LRPAP1: variants seen among roughly 807,000 people sequenced by gnomAD.
LRPAP1 encodes LDL receptor related protein associated protein 1, also known as alpha-2-macroglobulin receptor-associated protein.
LRPAP1 carries 41 observed loss-of-function variants against 39.9 expected under a neutral mutation model. That is an observed-to-expected ratio of 1.03 (90% confidence interval 0.80 to 1.33). LRPAP1 has a LOEUF of 1.33. Among genes scored for constraint, LRPAP1 ranks in the 40% most tolerant of loss-of-function variants. The probability of loss-of-function intolerance (pLI) is 0.00; values close to 1 mark genes in which losing one functional copy is unlikely to be tolerated. For synonymous variants in LRPAP1, 263 were observed against 212.7 expected (o/e 1.24, Z -2.06); for missense variants, 565 against 482.3 (o/e 1.17, Z -1.61).
chr4:3,527,900 AT>A, intron 1 of LRPAP1, among the ~76,000 whole-genome samples: 1 of 152,164 alleles, frequency 6.6e-6, no homozygotes, highest in Non-Finnish European at 1.5e-5. Context: ...GGGCTGTAAA[AT>A]CTGCAACCCA....
At chr4:3,517,834 G>T in intron 5 of LRPAP1, 200 bp downstream of exon 5, 1 of 549,796 alleles carries the variant, frequency 1.8e-6, no homozygotes, top group Non-Finnish European at 3.0e-6. Context: ...TACAAGGCTG[G>T]GGACGGCGAG....
chr4:3,530,454 C>T (rs1050771062), intron 1 of LRPAP1, among the ~76,000 whole-genome samples: 2 of 152,242 alleles, frequency 1.3e-5, no homozygotes, highest in African/African-American at 2.4e-5. Flanking sequence ...AAGAACTTCA[C>T]GTTCTGTTCA....
intron 2 of LRPAP1, among the ~76,000 whole-genome samples, chr4:3,520,528 G>C (rs1352325664): frequency 3.3e-5 from 5 of 152,186 alleles, no homozygotes; most frequent in African/African-American, 1.2e-4. Flanking sequence ...TGGTGGGCTG[G>C]GCTGTAAGAG....
intron 2 of LRPAP1, among the ~76,000 whole-genome samples, chr4:3,523,683 C>T (rs1363025488): frequency 2.0e-5 from 3 of 152,264 alleles, no homozygotes; most frequent in Middle Eastern, 3.4e-3. Flanking sequence ...TCAGGCCTAA[C>T]GAAGGAACTC....
Position 3,511,608 on chromosome 4 carries a change from C to G in LRPAP1, c.*1366G>C, listed in dbSNP as rs1215593563. 1 of 152,336 alleles carries G rather than the reference C, an allele frequency of 6.6e-6. No individual in the cohort carries two copies. Among genetic ancestry groups the G allele is most frequent in the African/African-American group, 2.4e-5 (1 of 41,454 alleles). The allele number at this position is 152,336 out of a possible 1,614,324, so 9.4% of individuals were successfully genotyped here. On this transcript the variant is annotated 3_prime_UTR_variant, in exon 8 of 8. Coordinates refer to ENST00000650182, the MANE Select transcript of LRPAP1 (RefSeq NM_002337.4). The stretch of plus-strand genomic sequence containing the variant: ...CCCGACATGCTGCCTCTAGCCTTGA[C>G]CTTTCTCAGAAATGATAGCTTAGCG...
At chr4:3,515,458 G>C (rs1489120014) in intron 6 of LRPAP1, among the ~76,000 whole-genome samples, 1 of 152,192 alleles carries the variant, frequency 6.6e-6, no homozygotes, top group Non-Finnish European at 1.5e-5. Context: ...CTTTCTGGGG[G>C]AGGTGCTAAG....
Position 3,511,251 on chromosome 4 carries a change from C to T in LRPAP1, c.*1723G>A, listed in dbSNP as rs916986003. On this transcript the variant is annotated 3_prime_UTR_variant, in exon 8 of 8. Coordinates refer to ENST00000650182, the MANE Select transcript of LRPAP1 (RefSeq NM_002337.4). ...GAGTTGGCCCCCACCCCCACCCCCA[C>T]ACGAGTGTTCACCACAGCTATTTCC... 7 of 150,962 alleles carry T rather than the reference C, an allele frequency of 4.6e-5. No individual in the cohort carries two copies. Among genetic ancestry groups the T allele is most frequent in the African/African-American group, 1.2e-4 (5 of 40,788 alleles). The allele number at this position is 150,962 out of a possible 1,614,324, so 9.4% of individuals were successfully genotyped here. A position where few individuals can be genotyped will look rare whatever the true frequency, so the allele number is the denominator to read the frequency against.
At chr4:3,523,595 T>C (rs1024770317) in intron 2 of LRPAP1, among the ~76,000 whole-genome samples, 38 of 152,318 alleles carry the variant, frequency 2.5e-4, no homozygotes, top group African/African-American at 9.1e-4. Context: ...TACTCGGCTC[T>C]GCAACTCCAG....
intron 5 of LRPAP1, 56 bp from the exon 6 acceptor site, chr4:3,516,254 AG>A (rs1729698175): frequency 7.1e-7 from 1 of 1,408,324 alleles, no homozygotes; most frequent in Non-Finnish European, 9.8e-7. Context: ...CACCACAGCC[AG>A]CCCCGCGGCA....
rs763517662 is a variant in LRPAP1 at position 3,507,326 on chromosome 4, G to T, written c.*5648C>A. Reference sequence around the variant, plus strand: ...CAAATGGCCAAGAGCAGACAAAAAGGTGTCATGCCTCTGGCACCAGGGAAG... The same window carrying T: ...CAAATGGCCAAGAGCAGACAAAAAGTTGTCATGCCTCTGGCACCAGGGAAG... On this transcript the variant is annotated 3_prime_UTR_variant, in exon 8 of 8. Transcript: ENST00000650182. 1 of 152,220 alleles carries T rather than the reference G, an allele frequency of 6.6e-6. No individual in the cohort carries two copies. The highest frequency in any genetic ancestry group is 1.5e-5 in the Non-Finnish European group (1 of 68,036). The allele number at this position is 152,220 out of a possible 1,614,324, so 9.4% of individuals were successfully genotyped here. A position where few individuals can be genotyped will look rare whatever the true frequency, so the allele number is the denominator to read the frequency against.
intron 1 of LRPAP1, among the ~76,000 whole-genome samples, chr4:3,531,406 C>T (rs1730248540): frequency 6.6e-6 from 1 of 152,234 alleles, no homozygotes; most frequent in Admixed American, 6.5e-5. Context: ...TCTAATCTGA[C>T]TCCTGCATTT....
intron 1 of LRPAP1, among the ~76,000 whole-genome samples, chr4:3,530,715 G>A (rs947466725): frequency 6.6e-6 from 1 of 152,240 alleles, no homozygotes; most frequent in Admixed American, 6.5e-5. Flanking sequence ...CCTGAGGGCA[G>A]GTGTATTGCT....
At chr4:3,519,951 T>C in intron 3 of LRPAP1, 121 bp downstream of exon 3, 1 of 1,233,228 alleles carries the variant, frequency 8.1e-7, no homozygotes, top group Non-Finnish European at 1.1e-6. Context: ...GCCACCGTCT[T>C]CCTGAGACTT....
At chr4:3,526,509 T>G (rs1730082283) in intron 1 of LRPAP1, among the ~76,000 whole-genome samples, 2 of 152,216 alleles carry the variant, frequency 1.3e-5, no homozygotes, top group African/African-American at 2.4e-5. Context: ...CGTAAAACAG[T>G]GAACATCCCC....
chr4:3,512,661 A>G lies in LRPAP1; in HGVS notation c.*313T>C, dbSNP rs1408817531. On this transcript the variant is annotated 3_prime_UTR_variant, in exon 8 of 8. Coordinates refer to ENST00000650182, the MANE Select transcript of LRPAP1 (RefSeq NM_002337.4). ...TTTTTTATGTAAATCGTGTTGTTTT[A>G]GCAGAGGACTATCAGACCTGACAGC... is the stretch of plus-strand genomic sequence containing the variant. 5.3e-6 allele frequency: 2 copies of G among 377,652 alleles called. No individual in the cohort carries two copies. Among genetic ancestry groups the G allele is most frequent in the Non-Finnish European group, 9.6e-6 (2 of 207,832 alleles). The allele number at this position is 377,652 out of a possible 1,614,324, so 23.4% of individuals were successfully genotyped here. A position where few individuals can be genotyped will look rare whatever the true frequency, so the allele number is the denominator to read the frequency against.
chr4:3,513,310 GTTAT>G (rs1271075780), intron 7 of LRPAP1, among the ~76,000 whole-genome samples: 1 of 152,286 alleles, frequency 6.6e-6, no homozygotes, highest in Non-Finnish European at 1.5e-5. Flanking sequence ...GGCCCATGGT[GTTAT>G]TTATTTACTT....
intron 2 of LRPAP1, 58 bp downstream of exon 2, chr4:3,524,849 C>T: frequency 6.3e-7 from 1 of 1,584,102 alleles, no homozygotes; most frequent in Non-Finnish European, 8.7e-7. Flanking sequence ...AACACTGCCG[C>T]TCTCAAGCAT....
In LRPAP1 at chr4:3,520,186, C is replaced by T; in HGVS notation, c.357G>A (p.Leu119=). Residue 119 remains leucine (L), a synonymous_variant, in exon 3 of 8, where the codon TTG becomes TTA. Coordinates refer to ENST00000650182, the MANE Select transcript of LRPAP1 (RefSeq NM_002337.4). The part of the protein sequence containing the change: ...ARLIRNLNVI[L]AKYGLDGKKD... ...TCTTTCCGTCCAGACCATACTTGGC[C>T]AAGATGACTAGGAGAGAGGGGAGGT... 1 of 1,613,726 alleles carries T rather than the reference C, an allele frequency of 6.2e-7. No homozygotes were observed. Among genetic ancestry groups the T allele is most frequent in the Non-Finnish European group, 8.5e-7 (1 of 1,179,816 alleles).
intron 1 of LRPAP1, among the ~76,000 whole-genome samples, chr4:3,530,984 G>A (rs1730233374): frequency 2.0e-5 from 3 of 152,106 alleles, no homozygotes; most frequent in Admixed American, 2.0e-4. Context: ...TGGGCACGGG[G>A]AGGCAGCACT....
Sources: allele counts gnomAD v4.1 joint callset (sites outside exome capture counted in the v4.1 genomes callset), GRCh38; gene constraint gnomAD v4.1.1; transcripts MANE v1.5; gene names NCBI Gene and HGNC (gene_info 2026-07-23, HGNC 2026-07-21).